The following PLEKHA1 variants were observed in gnomAD, a reference collection of about 807,000 sequenced individuals.
PLEKHA1 encodes the protein pleckstrin homology domain containing A1.
Under a neutral mutation model 52.0 loss-of-function variants are expected in PLEKHA1, and 34 were observed. The ratio of observed to expected loss-of-function variants is 0.65; its 90% CI spans 0.50 to 0.87. PLEKHA1 has a LOEUF of 0.87. PLEKHA1 is among the 40% of genes least tolerant of loss of function. PLEKHA1 has a pLI of 0.00. For missense variants in PLEKHA1, 497 were observed against 504.2 expected (o/e 0.99, Z 0.14); for synonymous variants, 163 against 170.7 (o/e 0.95, Z 0.35).
At chr10:122,388,641 A>G (rs1386038049) in intron 1 of PLEKHA1, among the ~76,000 whole-genome samples, 2 of 152,374 alleles carry the variant, frequency 1.3e-5, no homozygotes, top group East Asian at 1.9e-4. Flanking sequence ...TAAGTATGCT[A>G]TAGCATTATA....
At chr10:122,415,050 A>G (rs1369954659) in intron 6 of PLEKHA1, among the ~76,000 whole-genome samples, 2 of 152,174 alleles carry the variant, frequency 1.3e-5, no homozygotes, top group Admixed American at 6.5e-5. Flanking sequence ...AAAGTGGGAA[A>G]CAACTCAAAT....
At chr10:122,379,573 C>T (rs1196606407) in intron 1 of PLEKHA1, among the ~76,000 whole-genome samples, 1 of 152,210 alleles carries the variant, frequency 6.6e-6, no homozygotes, top group Non-Finnish European at 1.5e-5. Flanking sequence ...TCCTTCTTTT[C>T]CCTGCGTTCT....
chr10:122,393,327 A>T lies in PLEKHA1; in HGVS notation c.127A>T (p.Met43Leu). The T allele has an allele frequency of 6.2e-7, 1 of 1,606,992 alleles. No homozygotes were observed. Among genetic ancestry groups the T allele is most frequent in the Middle Eastern group, 1.7e-4 (1 of 6,040 alleles). ...CAGAGAAGATAGTTTCGTGTGGTAC[A>T]TGGATAATCCACAGGTTTGTAAAAT... ...DTREDSFVWY[M>L]DNPQNLPSGS... is the part of the protein sequence containing the mutation. Residue 43 changes from methionine to leucine, a missense_variant, in exon 2 of 12, where the codon ATG (methionine) becomes TTG (leucine). Met to Leu is a conservative substitution (Grantham distance 15). Coordinates refer to ENST00000368990, the MANE Select transcript of PLEKHA1 (RefSeq NM_001001974.4). This position sits in a 1 kb window ranked among gnomAD's most constrained non-coding sequence, Gnocchi z 4.5.
chr10:122,377,100 AAT>A (rs985649754), intron 1 of PLEKHA1, among the ~76,000 whole-genome samples: 8 of 152,326 alleles, frequency 5.3e-5, no homozygotes, highest in African/African-American at 1.9e-4. Flanking sequence ...AAATCTAATA[AAT>A]AGTTTATTAA....
intron 5 of PLEKHA1, among the ~76,000 whole-genome samples, chr10:122,408,642 A>C (rs2134550133): frequency 6.6e-6 from 1 of 152,270 alleles, no homozygotes; most frequent in Non-Finnish European, 1.5e-5. Context: ...TGATAGACAC[A>C]CATTTAACTC....
At chr10:122,435,883 A>G (rs1427219432), downstream of PLEKHA1, 1 of 150,398 alleles carries the variant, frequency 6.6e-6, no homozygotes, top group Non-Finnish European at 1.5e-5. Flanking sequence ...ATGAGACACC[A>G]TCTCAAAAAA....
downstream of PLEKHA1, chr10:122,436,176 C>A (rs1052428514): frequency 2.6e-5 from 4 of 151,274 alleles, no homozygotes; most frequent in Admixed American, 6.6e-5. Context: ...CACACTACTT[C>A]TACTGTCTCA....
intron 1 of PLEKHA1, among the ~76,000 whole-genome samples, chr10:122,383,486 ATTT>A (rs5788548): frequency 1.7e-3 from 235 of 138,350 alleles, no homozygotes; most frequent in African/African-American, 2.6e-3. Flanking sequence ...TGCCTGGCTA[ATTT>A]TTTTTTTTTT....
intron 5 of PLEKHA1, among the ~76,000 whole-genome samples, chr10:122,407,552 C>CT (rs2097038204): frequency 1.3e-5 from 2 of 152,170 alleles, no homozygotes; most frequent in Non-Finnish European, 2.9e-5. Context: ...CAGCCCTCTC[C>CT]TTACTCTTTT....
At chr10:122,380,120 A>G (rs914324807) in intron 1 of PLEKHA1, among the ~76,000 whole-genome samples, 6 of 152,244 alleles carry the variant, frequency 3.9e-5, no homozygotes, top group Non-Finnish European at 8.8e-5. Flanking sequence ...ATTTAAATAA[A>G]TCAGTTAAAT....
At chr10:122,437,800 C>T in the PLEKHA1 span, 2 of 152,322 alleles carry the variant, frequency 1.3e-5, no homozygotes, top group Non-Finnish European at 2.9e-5. Flanking sequence ...GAGAAATGCC[C>T]TTTGTGTTTG....
At position 122,426,972 on chromosome 10, in the gene PLEKHA1, A is replaced by C. The variant is rs1186645194; in HGVS notation, c.841A>C (p.Ile281Leu). The C allele has an allele frequency of 6.2e-7, 1 of 1,614,074 alleles. No homozygotes were observed. The highest frequency in any genetic ancestry group is 8.5e-7 in the Non-Finnish European group (1 of 1,179,966). ...ADSPEEMHSW[I>L]KAVSGAIVAQ... ...TAGCCCTGAAGAGATGCACAGTTGGATTAAAGCAGTCTCTGGCGCCATTGT... is the reference window on the plus strand; with the variant it reads ...TAGCCCTGAAGAGATGCACAGTTGGCTTAAAGCAGTCTCTGGCGCCATTGT... The change falls in exon 11 of 12, where the codon ATT becomes CTT. Residue 281 changes from isoleucine to leucine, a missense_variant. Ile to Leu is a conservative substitution (Grantham distance 5, BLOSUM62 2). Transcript: ENST00000368990.
In PLEKHA1 at chr10:122,432,026, T is replaced by C. The variant is rs1475774083; in HGVS notation, c.*2088T>C. 3 of 152,240 alleles carry C rather than the reference T, an allele frequency of 2.0e-5. No individual in the cohort carries two copies. Among genetic ancestry groups the C allele is most frequent in the Non-Finnish European group, 2.9e-5 (2 of 68,038 alleles). The allele number at this position is 152,240 out of a possible 1,614,324, so 9.4% of individuals were successfully genotyped here. ...GTTTTGGGACATTTTAAAATAGAAC[T>C]ATCCTTGTTCGATAGCATAGGAAAA... On this transcript the variant is annotated 3_prime_UTR_variant, in exon 12 of 12. Transcript: ENST00000368990.
rs534456900 is a variant in PLEKHA1, at chr10:122,407,694, G to T, written c.342+1021G>T. On this transcript the variant is annotated intron_variant, in intron 5 of 11. Transcript: ENST00000368990. ...CACTTTTGTAGAGAAATACATAGCA[G>T]GCCTGCCTGGAAAATGTTGGGAAGG... Among the ~76,000 whole-genome samples, 6 of 152,302 alleles carry T rather than the reference G, an allele frequency of 3.9e-5. No individual in the cohort carries two copies. The East Asian group carries it at 1.2e-3, about 29-fold the overall frequency.
At chr10:122,404,323 G>C (rs1365471091) in intron 4 of PLEKHA1, among the ~76,000 whole-genome samples, 2 of 151,974 alleles carry the variant, frequency 1.3e-5, no homozygotes, top group Non-Finnish European at 2.9e-5. Flanking sequence ...CAGATTGCAA[G>C]GTATACTAGG....
At position 122,400,398 on chromosome 10, in the gene PLEKHA1, CA is replaced by C. The variant is rs1354011433; in HGVS notation, c.244+11del. On this transcript the variant is annotated intron_variant, in intron 4 of 11. Coordinates refer to ENST00000368990, the MANE Select transcript of PLEKHA1 (RefSeq NM_001001974.4). ...GCGGAGTTCTGTTTTGGTAAGTAGC[CA>C]TGTTATATATATTTTAAATAGACTG... 5 of 1,601,738 alleles carry C rather than the reference CA, an allele frequency of 3.1e-6. No individual in the cohort carries two copies. Among genetic ancestry groups the C allele is most frequent in the Non-Finnish European group, 4.3e-6 (5 of 1,174,968 alleles).
intron 7 of PLEKHA1, chr10:122,417,143 A>G (rs2097187966): frequency 6.6e-6 from 1 of 152,378 alleles, no homozygotes; most frequent in Non-Finnish European, 1.5e-5. Context: ...GACAAAAAAT[A>G]TTTGTACAAA....
rs1475605317 is a variant in PLEKHA1 at position 122,429,927 on chromosome 10, A to G, written c.1204A>G (p.Ser402Gly). Residue 402 changes from serine (S) to glycine (G), a missense_variant, in exon 12 of 12, where the codon AGT becomes GGT. Ser to Gly is a moderately conservative substitution (Grantham distance 56). Transcript: ENST00000368990. ...CTTGGACGATGCGAGCCTTCCGGTC[A>G]GTGACGTGTGAGGCAGAAGCGCACG... ...VDLDDASLPV[S>G]DV is the part of the protein sequence containing the mutation. 1 of 1,612,060 alleles carries G rather than the reference A, an allele frequency of 6.2e-7. No individual in the cohort carries two copies. The highest frequency in any genetic ancestry group is 2.2e-5 in the East Asian group (1 of 44,858).
chr10:122,384,700 C>G (rs2133779924), intron 1 of PLEKHA1, among the ~76,000 whole-genome samples: 1 of 151,978 alleles, frequency 6.6e-6, no homozygotes, highest in Admixed American at 6.5e-5. Context: ...CACCTGTAAT[C>G]CCAGCACTTT....
Sources: gnomAD v4.1 joint callset for allele counts (sites outside exome capture counted in the v4.1 genomes callset) on GRCh38, gnomAD v4.1.1 for gene constraint, Gnocchi (gnomAD v3.1) non-coding constraint, MANE v1.5 for transcripts, NCBI Gene and HGNC (gene_info 2026-07-23, HGNC 2026-07-21) for gene names.